CACNA2D4: variants seen among roughly 807,000 people sequenced by gnomAD.
CACNA2D4 encodes the protein voltage-dependent calcium channel subunit alpha-2/delta-4.
CACNA2D4 carries 157 observed loss-of-function variants against 163.8 expected under a neutral mutation model. That is an observed-to-expected ratio of 0.96 (90% confidence interval 0.84 to 1.09). The LOEUF (loss-of-function observed/expected upper bound fraction) is 1.09. CACNA2D4 is among the 50% of genes least tolerant of loss of function. The pLI, the probability that CACNA2D4 is intolerant of heterozygous loss-of-function variation, is 0.00. For synonymous variants in CACNA2D4, 598 were observed against 586.9 expected (o/e 1.02, Z -0.27); for missense variants, 1,410 against 1,479.9 (o/e 0.95, Z 0.78).
intron 26 of CACNA2D4, among the ~76,000 whole-genome samples, chr12:1,832,366 C>T (rs1307411172): frequency 1.3e-5 from 2 of 152,296 alleles, no homozygotes; most frequent in African/African-American, 4.8e-5. Context: ...ATGCACGGAA[C>T]GTGGCTTGAG....
In CACNA2D4 at chr12:1,834,711, C is replaced by G; in HGVS notation, c.2551+6028G>C. ...CACGAGGACCAGAAGCAGATCTCTT[C>G]TGTGGCCTGAGCGCCCATCCCCACC... On this transcript the variant is annotated intron_variant, in intron 26 of 37. Transcript: ENST00000382722. The surrounding 1 kb of genome is among the most constrained non-coding windows in gnomAD (Gnocchi z 7.6). 6.3e-7 allele frequency: 1 copy of G among 1,592,530 alleles called. No homozygotes were observed. The highest frequency in any genetic ancestry group is 8.5e-7 in the Non-Finnish European group (1 of 1,172,386).
chr12:1,843,259 T>A lies in CACNA2D4; in HGVS notation c.2470+1143A>T, dbSNP rs949971329. On this transcript the variant is annotated intron_variant, in intron 25 of 37. Coordinates refer to ENST00000382722, the MANE Select transcript of CACNA2D4 (RefSeq NM_172364.5). This position sits in a 1 kb window ranked among gnomAD's most constrained non-coding sequence, Gnocchi z 4.6. Reference sequence around the variant, plus strand: ...TCCTCCCTGCTGTTTGCCTTCCCTGTCCTGGTCCCAGGAGGATCCCCGGGA... The same window carrying A: ...TCCTCCCTGCTGTTTGCCTTCCCTGACCTGGTCCCAGGAGGATCCCCGGGA... Among the ~76,000 whole-genome samples the A allele has an allele frequency of 2.6e-5, 4 of 152,164 alleles. No homozygotes were observed. Among genetic ancestry groups the A allele is most frequent in the African/African-American group, 9.7e-5 (4 of 41,440 alleles).
At chr12:1,909,998 G>T in intron 3 of CACNA2D4, 33 bp from the exon 4 acceptor site, 2 of 1,594,208 alleles carry the variant, frequency 1.3e-6, no homozygotes, top group South Asian at 1.1e-5. Context: ...TAGGGAGAAT[G>T]GGTAAAAGGA....
In CACNA2D4 at chr12:1,834,492, A is replaced by G; in HGVS notation, c.2551+6247T>C. On this transcript the variant is annotated intron_variant, in intron 26 of 37. Transcript: ENST00000382722. The surrounding 1 kb of genome is among the most constrained non-coding windows in gnomAD (Gnocchi z 7.6). ...CCGGAGCCCAGCACAGCCTGCCCAC[A>G]GAAGCAGAGGCACCGGCCGGCGAGC... The G allele has an allele frequency of 1.2e-6, 2 of 1,609,404 alleles. No homozygotes were observed. The highest frequency in any genetic ancestry group is 1.7e-6 in the Non-Finnish European group (2 of 1,179,870).
At position 1,878,456 on chromosome 12, in the gene CACNA2D4, G is replaced by A. The variant is rs1865926496; in HGVS notation, c.1645-67C>T. ...GTGCTGGGCATCTGGAGTTGGGCAGGGGTTTGGGGGCCACAGGACGGTCAA... is the reference window on the plus strand; with the variant it reads ...GTGCTGGGCATCTGGAGTTGGGCAGAGGTTTGGGGGCCACAGGACGGTCAA... On this transcript the variant is annotated intron_variant, in intron 15 of 37. Transcript: ENST00000382722. This position sits in a 1 kb window ranked among gnomAD's most constrained non-coding sequence, Gnocchi z 4.6. The A allele has an allele frequency of 1.3e-6, 2 of 1,553,952 alleles. No individual in the cohort carries two copies. Among genetic ancestry groups the A allele is most frequent in the Non-Finnish European group, 1.7e-6 (2 of 1,148,922 alleles).
chr12:1,896,494 C>G (rs1405797102), intron 6 of CACNA2D4, among the ~76,000 whole-genome samples: 1 of 151,996 alleles, frequency 6.6e-6, no homozygotes, highest in Admixed American at 6.6e-5. Flanking sequence ...AGAAGACATA[C>G]AAATGGCCAA....
intron 18 of CACNA2D4, among the ~76,000 whole-genome samples, chr12:1,862,614 T>C (rs1441271499): frequency 1.3e-5 from 2 of 152,166 alleles, no homozygotes; most frequent in African/African-American, 2.4e-5. Flanking sequence ...GGTTTCATTA[T>C]GTTGGCCAGG....
At chr12:1,882,488 C>T (rs909910533) in intron 13 of CACNA2D4, among the ~76,000 whole-genome samples, 1 of 131,758 alleles carries the variant, frequency 7.6e-6, no homozygotes, top group Non-Finnish European at 1.6e-5. Flanking sequence ...GAACGTGTTC[C>T]AGCTGTGGGA....
chr12:1,837,519 G>A (rs149686617), intron 26 of CACNA2D4, among the ~76,000 whole-genome samples: 2 of 152,220 alleles, frequency 1.3e-5, no homozygotes, highest in South Asian at 2.1e-4. Flanking sequence ...CGAGCTCAAC[G>A]CCCGGCCCGA....
intron 26 of CACNA2D4, chr12:1,831,350 C>G: frequency 6.2e-7 from 1 of 1,613,876 alleles, no homozygotes; most frequent in Non-Finnish European, 8.5e-7. Context: ...GTCTTTTCGA[C>G]GGGCTCCTGG....
intron 3 of CACNA2D4, among the ~76,000 whole-genome samples, chr12:1,911,946 C>T (rs1330107094): frequency 2.0e-5 from 3 of 152,226 alleles, no homozygotes; most frequent in African/African-American, 7.2e-5. Context: ...CCAGGATAGG[C>T]TCTTGAGTCC....
At chr12:1,803,387 G>A (rs1268229358) in intron 29 of CACNA2D4, among the ~76,000 whole-genome samples, 3 of 152,226 alleles carry the variant, frequency 2.0e-5, no homozygotes, top group Non-Finnish European at 4.4e-5. Context: ...ATAATGCTGT[G>A]ACTTATAATC....
In CACNA2D4 at chr12:1,879,940, C is replaced by T; in HGVS notation, c.1486-59G>A. ...GCGGCCTAGGGCCACTGGTTTGCCG[C>T]ACTCGGAGCACCCAGTGCGGAGAAC... On this transcript the variant is annotated intron_variant, in intron 13 of 37. Coordinates refer to ENST00000382722, the MANE Select transcript of CACNA2D4 (RefSeq NM_172364.5). The T allele has an allele frequency of 2.5e-6, 3 of 1,180,952 alleles. No individual in the cohort carries two copies. The South Asian group carries it at 4.0e-5, about 16-fold the overall frequency. The allele number at this position is 1,180,952 out of a possible 1,614,324, so 73.2% of individuals were successfully genotyped here.
At chr12:1,795,506 G>A in intron 36 of CACNA2D4, 125 bp from the exon 37 acceptor site, 2 of 1,001,346 alleles carry the variant, frequency 2.0e-6, no homozygotes, top group Non-Finnish European at 3.1e-6. Context: ...GGGTCAGGAG[G>A]CAGCACCGGG....
chr12:1,851,341 T>C (rs1283584355), intron 23 of CACNA2D4, among the ~76,000 whole-genome samples: 1 of 152,264 alleles, frequency 6.6e-6, no homozygotes, highest in Non-Finnish European at 1.5e-5. Context: ...TACATTTGAA[T>C]CTCTGAGTCA....
chr12:1,800,525 AC>A, intron 31 of CACNA2D4, 87 bp from the exon 32 acceptor site: 1 of 1,351,438 alleles, frequency 7.4e-7, no homozygotes, highest in Non-Finnish European at 1.1e-6. Context: ...CCTCAGAGAG[AC>A]CAGAGAGTGG....
At chr12:1,796,354 C>T (rs1161855048) in intron 35 of CACNA2D4, among the ~76,000 whole-genome samples, 10 of 152,378 alleles carry the variant, frequency 6.6e-5, no homozygotes, top group Admixed American at 4.6e-4. Context: ...ACGTGCACAC[C>T]ACAGCCGTGT....
chr12:1,872,646 GT>G, intron 18 of CACNA2D4, among the ~76,000 whole-genome samples: 1 of 152,308 alleles, frequency 6.6e-6, no homozygotes, highest in Non-Finnish European at 1.5e-5. Context: ...GCCTTTGGCA[GT>G]GAAGAAAACG....
rs370033222 is a variant in CACNA2D4 at position 1,846,738 on chromosome 12, G to T, written c.2247-49C>A. 64 of 1,459,534 alleles carry T rather than the reference G, an allele frequency of 4.4e-5. 1 individual carries two copies. The highest frequency in any genetic ancestry group is 1.9e-5 in the Admixed American group (1 of 51,530). 90.4% of individuals were successfully genotyped at this position (1,459,534 alleles called of 1,614,324 possible). On this transcript the variant is annotated intron_variant, in intron 23 of 37. Transcript: ENST00000382722. ...TGGTCACCACATGGCTGTGGCAAGA[G>T]CTTGGGGGCGACCTGCAGGGGTTTG... is the stretch of plus-strand genomic sequence containing the variant.
Sources: allele counts gnomAD v4.1 joint callset (sites outside exome capture counted in the v4.1 genomes callset), GRCh38; gene constraint gnomAD v4.1.1; non-coding constraint Gnocchi (gnomAD v3.1); transcripts MANE v1.5; gene names NCBI Gene and HGNC (gene_info 2026-07-23, HGNC 2026-07-21).